Variants in KHDRBS2 observed in about 807,000 individuals in gnomAD.
KHDRBS2 encodes the protein KH domain-containing, RNA-binding, signal transduction-associated protein 2.
Under a neutral mutation model 44.3 loss-of-function variants are expected in KHDRBS2, and 26 were observed. The ratio of observed to expected loss-of-function variants is 0.59; its 90% CI spans 0.43 to 0.81. The LOEUF (loss-of-function observed/expected upper bound fraction) is 0.81. Among genes scored for constraint, KHDRBS2 ranks in the 40% least tolerant of loss-of-function variants. KHDRBS2 has a pLI of 0.00. For synonymous variants in KHDRBS2, 194 were observed against 151.1 expected (o/e 1.28, Z -2.08); for missense variants, 476 against 433.1 (o/e 1.10, Z -0.88).
At chr6:61,673,520 A>G in the KHDRBS2 span, among the ~76,000 whole-genome samples, 1 of 148,326 alleles carries the variant, frequency 6.7e-6, no homozygotes, top group South Asian at 2.2e-4. Context: ...TATATCTAGA[A>G]AACCCCATCG....
the KHDRBS2 span, among the ~76,000 whole-genome samples, chr6:61,656,274 A>G: frequency 1.1e-4 from 16 of 152,024 alleles, no homozygotes; most frequent in African/African-American, 3.9e-4. Context: ...CTAATAGAAT[A>G]TACTTATTGA....
intron 2 of KHDRBS2, among the ~76,000 whole-genome samples, chr6:62,087,916 T>G (rs1798719930): frequency 6.6e-6 from 1 of 152,218 alleles, no homozygotes; most frequent in Non-Finnish European, 1.5e-5. Flanking sequence ...TCTCTAATCT[T>G]GTCTTCATGC....
At chr6:62,112,063 C>A (rs548371664) in intron 2 of KHDRBS2, among the ~76,000 whole-genome samples, 12 of 152,086 alleles carry the variant, frequency 7.9e-5, no homozygotes, top group Admixed American at 2.6e-4. Flanking sequence ...TTAACTGATA[C>A]GTGAAAAATT....
At chr6:61,583,320 C>T in the KHDRBS2 span, among the ~76,000 whole-genome samples, 3 of 151,600 alleles carry the variant, frequency 2.0e-5, no homozygotes, top group Non-Finnish European at 4.4e-5. Context: ...TTGTTTGTTT[C>T]TCTTTATTGC....
At chr6:61,726,864 T>C (rs192798782) in intron 7 of KHDRBS2, among the ~76,000 whole-genome samples, 1 of 152,212 alleles carries the variant, frequency 6.6e-6, no homozygotes, top group Admixed American at 6.5e-5. Flanking sequence ...ATTTATAGAT[T>C]CAATACTATT....
At chr6:61,662,215 AC>A in the KHDRBS2 span, among the ~76,000 whole-genome samples, 7 of 152,088 alleles carry the variant, frequency 4.6e-5, no homozygotes, top group Non-Finnish European at 1.0e-4. Context: ...CTGAAACTGG[AC>A]CCCTTCCTTA....
intron 3 of KHDRBS2, among the ~76,000 whole-genome samples, chr6:62,034,885 G>C (rs1304772186): frequency 6.6e-6 from 1 of 151,750 alleles, no homozygotes; most frequent in Admixed American, 6.6e-5. Flanking sequence ...ATATGAAAAG[G>C]TGTCCACATC....
chr6:62,050,206 T>C (rs1584367074), intron 2 of KHDRBS2, among the ~76,000 whole-genome samples: 1 of 151,916 alleles, frequency 6.6e-6, no homozygotes, highest in Non-Finnish European at 1.5e-5. Context: ...GAAAACCAAA[T>C]ACTGCATGTT....
chr6:61,822,874 G>A (rs1304225903), intron 6 of KHDRBS2, among the ~76,000 whole-genome samples: 1 of 151,878 alleles, frequency 6.6e-6, no homozygotes, highest in East Asian at 1.9e-4. Context: ...CCCATGATAA[G>A]TCATATTATT....
Position 62,019,288 on chromosome 6 carries a change from C to T in KHDRBS2, c.336+28590G>A, listed in dbSNP as rs1781816276. On this transcript the variant is annotated intron_variant, in intron 3 of 8. Transcript: ENST00000281156. ...AAATGCTCTTACAAGTTTGCAGAAG[C>T]TTACATCTATTCCAATTTTACTGAG... Among the ~76,000 whole-genome samples the T allele has an allele frequency of 4.6e-5, 7 of 152,100 alleles. No homozygotes were observed. In the South Asian group the frequency reaches 1.4e-3, roughly 31 times the overall value.
At chr6:61,699,201 A>G (rs1768276780) in intron 7 of KHDRBS2, among the ~76,000 whole-genome samples, 1 of 152,220 alleles carries the variant, frequency 6.6e-6, no homozygotes, top group East Asian at 1.9e-4. Context: ...AATTACTCAT[A>G]GGAAGCCCAG....
Position 61,732,687 on chromosome 6 carries a change from T to C in KHDRBS2, c.888A>G (p.Thr296=), listed in dbSNP as rs754772313. The part of the protein sequence containing the change: ...ETYDNSYATQ[T]QSVPEYYDYG... ...TTAGATAGCAAATGCCTTACCTTTG[T>C]GTTTGGGTCGCATAGCTGTTATCAT... Residue 296 remains threonine, a synonymous_variant, in exon 7 of 9, where the codon ACA becomes ACG. Transcript: ENST00000281156. 2 of 1,597,926 alleles carry C rather than the reference T, an allele frequency of 1.3e-6. No individual in the cohort carries two copies. Among genetic ancestry groups the C allele is most frequent in the East Asian group, 2.2e-5 (1 of 44,732 alleles).
intron 6 of KHDRBS2, among the ~76,000 whole-genome samples, chr6:61,857,387 C>G (rs1796299726): frequency 6.6e-6 from 1 of 151,848 alleles, no homozygotes; most frequent in Non-Finnish European, 1.5e-5. Context: ...ATAACCATGG[C>G]TTAAAAATAG....
At chr6:62,118,295 T>TA (rs1806766409) in intron 2 of KHDRBS2, among the ~76,000 whole-genome samples, 1 of 152,222 alleles carries the variant, frequency 6.6e-6, no homozygotes, top group Non-Finnish European at 1.5e-5. Context: ...TTAGTTACTA[T>TA]AAGTTTGCAG....
intron 1 of KHDRBS2, among the ~76,000 whole-genome samples, chr6:62,227,751 C>T (rs867086487): frequency 2.6e-5 from 4 of 152,082 alleles, no homozygotes; most frequent in Admixed American, 6.6e-5. Context: ...TGAATTGTAT[C>T]GAAGGCCTTT....
chr6:61,810,813 A>G (rs760899848), intron 6 of KHDRBS2, among the ~76,000 whole-genome samples: 2 of 152,154 alleles, frequency 1.3e-5, no homozygotes, highest in Non-Finnish European at 1.5e-5. Context: ...CTAAAGATCA[A>G]TGAATGAGTG....
intron 5 of KHDRBS2, among the ~76,000 whole-genome samples, chr6:61,898,797 C>G (rs1226366712): frequency 6.6e-6 from 1 of 151,756 alleles, no homozygotes; most frequent in African/African-American, 2.4e-5. Context: ...ACACATATAC[C>G]AACTATCATA....
At chr6:62,240,182 T>C (rs1172276121) in intron 1 of KHDRBS2, among the ~76,000 whole-genome samples, 1 of 152,130 alleles carries the variant, frequency 6.6e-6, no homozygotes. Context: ...TAATCCAATA[T>C]TGGTTTATTT....
At chr6:61,964,888 A>C (rs1769562040) in intron 4 of KHDRBS2, among the ~76,000 whole-genome samples, 1 of 152,116 alleles carries the variant, frequency 6.6e-6, no homozygotes, top group South Asian at 2.1e-4. Flanking sequence ...TACTTTAGTC[A>C]AATATCTGTA....
Sources: allele counts gnomAD v4.1 joint callset (sites outside exome capture counted in the v4.1 genomes callset), GRCh38; gene constraint gnomAD v4.1.1; transcripts MANE v1.5; gene names NCBI Gene and HGNC (gene_info 2026-07-23, HGNC 2026-07-21).